The following SYN3 variants were observed in gnomAD, a reference collection of about 807,000 sequenced individuals.
The protein encoded by SYN3 is synapsin-3.
In SYN3, 35 loss-of-function variants were observed where a neutral mutation model predicts 65.8. The observed-to-expected ratio is 0.53, with a 90% CI of 0.41 to 0.70. The LOEUF is 0.70. SYN3 is among the 30% of genes least tolerant of loss of function. The pLI is 0.00. For missense variants in SYN3, 680 were observed against 749.0 expected (o/e 0.91, Z 1.08); for synonymous variants, 270 against 292.9 (o/e 0.92, Z 0.80).
chr22:32,920,166 G>A (rs1227960109), intron 4 of SYN3, among the ~76,000 whole-genome samples: 1 of 152,298 alleles, frequency 6.6e-6, no homozygotes, highest in Admixed American at 6.5e-5. Flanking sequence ...CGGTTTGAAC[G>A]GGTGCCTATA....
intron 1 of SYN3, among the ~76,000 whole-genome samples, chr22:33,056,159 A>T (rs555543843): frequency 6.3e-4 from 96 of 152,332 alleles, no homozygotes; most frequent in Admixed American, 1.6e-3. Context: ...ACACTCAAAA[A>T]AGGGAAGCAG....
intron 7 of SYN3, among the ~76,000 whole-genome samples, chr22:32,577,808 C>T (rs1384419363): frequency 6.6e-6 from 1 of 152,188 alleles, no homozygotes; most frequent in Non-Finnish European, 1.5e-5. Context: ...TGCTGTCATG[C>T]CCTTCCTCCA....
At chr22:32,809,451 T>A (rs1185588531) in intron 6 of SYN3, among the ~76,000 whole-genome samples, 1 of 152,102 alleles carries the variant, frequency 6.6e-6, no homozygotes, top group Non-Finnish European at 1.5e-5. Context: ...AGTTCTGGGA[T>A]CCTAACATAA....
intron 7 of SYN3, among the ~76,000 whole-genome samples, chr22:32,554,171 T>A (rs2058457584): frequency 6.6e-6 from 1 of 152,190 alleles, no homozygotes; most frequent in African/African-American, 2.4e-5. Flanking sequence ...CTCTTTTGCG[T>A]TCAGCCAAAC....
chr22:32,851,142 C>A (rs938031422), intron 6 of SYN3, among the ~76,000 whole-genome samples: 1 of 152,092 alleles, frequency 6.6e-6, no homozygotes, highest in African/African-American at 2.4e-5. Context: ...GCAACAACAA[C>A]GCAAAAAGCC....
intron 6 of SYN3, among the ~76,000 whole-genome samples, chr22:32,608,626 C>T (rs2059400220): frequency 6.6e-6 from 1 of 152,178 alleles, no homozygotes; most frequent in South Asian, 2.1e-4. Flanking sequence ...TTGTGCAGTG[C>T]CATGAAATTA....
At chr22:32,655,998 C>G (rs1390867475) in intron 6 of SYN3, among the ~76,000 whole-genome samples, 2 of 152,134 alleles carry the variant, frequency 1.3e-5, no homozygotes, top group Non-Finnish European at 2.9e-5. Context: ...GCCCAGTTAC[C>G]CACTCTACTT....
intron 6 of SYN3, among the ~76,000 whole-genome samples, chr22:32,774,459 C>T (rs1210842796): frequency 1.3e-5 from 2 of 152,046 alleles, no homozygotes; most frequent in African/African-American, 2.4e-5. Flanking sequence ...CTCCTCCCCT[C>T]GAGTCTTCAC....
At chr22:32,952,823 T>G (rs1052831844) in intron 3 of SYN3, among the ~76,000 whole-genome samples, 2 of 152,226 alleles carry the variant, frequency 1.3e-5, no homozygotes, top group East Asian at 3.8e-4. Context: ...AAATGTTTGA[T>G]GTAACATAAT....
At chr22:32,802,014 C>A in intron 6 of SYN3, 1 of 1,580,084 alleles carries the variant, frequency 6.3e-7, no homozygotes. Context: ...GACCCCTTGG[C>A]TCGGGCTCAT....
intron 4 of SYN3, among the ~76,000 whole-genome samples, chr22:32,917,039 T>C (rs1410304826): frequency 6.6e-6 from 1 of 152,028 alleles, no homozygotes. Context: ...AGACTAGTTG[T>C]GGGGTATGAG....
chr22:32,596,091 G>T (rs1329776595), intron 7 of SYN3, among the ~76,000 whole-genome samples: 2 of 151,920 alleles, frequency 1.3e-5, no homozygotes, highest in Non-Finnish European at 2.9e-5. Context: ...ACAAAATAAA[G>T]TGTGTAGCAC....
chr22:33,044,101 C>T (rs1405933488), intron 1 of SYN3, among the ~76,000 whole-genome samples: 1 of 151,678 alleles, frequency 6.6e-6, no homozygotes, highest in Non-Finnish European at 1.5e-5. Flanking sequence ...AGTGAGGATG[C>T]AACAACCTAG....
chr22:32,683,000 C>A (rs2060543758), intron 6 of SYN3, among the ~76,000 whole-genome samples: 3 of 152,140 alleles, frequency 2.0e-5, no homozygotes, highest in Non-Finnish European at 4.4e-5. Flanking sequence ...CTGGAAGAGC[C>A]AAGCTCTTGA....
chr22:32,580,766 T>C (rs192554639), intron 7 of SYN3, among the ~76,000 whole-genome samples: 10 of 152,348 alleles, frequency 6.6e-5, no homozygotes, highest in Non-Finnish European at 1.5e-4. Context: ...CTACAAGAGC[T>C]GACTGAGTAG....
At chr22:32,811,499 A>C (rs975809251) in intron 6 of SYN3, among the ~76,000 whole-genome samples, 2 of 152,200 alleles carry the variant, frequency 1.3e-5, no homozygotes, top group Non-Finnish European at 2.9e-5. Context: ...CTGAGTTTCA[A>C]TTCAAAATCG....
chr22:32,959,566 T>C (rs1315338670), intron 3 of SYN3, among the ~76,000 whole-genome samples: 1 of 151,718 alleles, frequency 6.6e-6, no homozygotes, highest in Non-Finnish European at 1.5e-5. Context: ...AAAAAAAGAA[T>C]TACTTTTCAA....
At chr22:32,710,486 AGCCAG>A (rs1202613934) in intron 6 of SYN3, among the ~76,000 whole-genome samples, 1 of 151,858 alleles carries the variant, frequency 6.6e-6, no homozygotes, top group Non-Finnish European at 1.5e-5. Flanking sequence ...CAAAAAAAGT[AGCCAG>A]GCGTGGTGGC....
intron 7 of SYN3, among the ~76,000 whole-genome samples, chr22:32,577,388 A>C (rs1207214220): frequency 1.3e-5 from 2 of 152,156 alleles, no homozygotes; most frequent in East Asian, 3.9e-4. Context: ...CTGCTATGAC[A>C]ATGTAATCAT....
Sources: gnomAD v4.1 joint callset for allele counts (sites outside exome capture counted in the v4.1 genomes callset) on GRCh38, gnomAD v4.1.1 for gene constraint, MANE v1.5 for transcripts, NCBI Gene and HGNC (gene_info 2026-07-23, HGNC 2026-07-21) for gene names.